The following IFI27L1 variants were observed in gnomAD, a reference collection of about 807,000 sequenced individuals.
The protein encoded by IFI27L1 is interferon alpha-inducible protein 27-like protein 1.
In IFI27L1, 3 loss-of-function variants were observed where a neutral mutation model predicts 9.2. That is an observed-to-expected ratio of 0.32 (90% CI 0.15 to 0.84). The LOEUF (loss-of-function observed/expected upper bound fraction) is 0.84. Among genes scored for constraint, IFI27L1 ranks in the 40% least tolerant of loss-of-function variants. IFI27L1 has a pLI of 0.56. For synonymous variants in IFI27L1, 53 were observed against 50.0 expected (o/e 1.06, Z -0.26); for missense variants, 133 against 134.2 (o/e 0.99, Z 0.05).
At chr14:94,098,656 G>C (rs551093239) in intron 2 of IFI27L1, among the ~76,000 whole-genome samples, 39 of 152,292 alleles carry the variant, frequency 2.6e-4, no homozygotes, top group African/African-American at 8.4e-4. Context: ...GGCCCGAGAG[G>C]GAGGGCTCTG....
intron 2 of IFI27L1, among the ~76,000 whole-genome samples, chr14:94,098,313 G>A (rs1311536321): frequency 6.6e-6 from 1 of 152,084 alleles, no homozygotes; most frequent in Non-Finnish European, 1.5e-5. Context: ...GTCAGTCTTC[G>A]ACGTCCTTGC....
At chr14:94,091,537 C>T (rs903015488) in intron 1 of IFI27L1, among the ~76,000 whole-genome samples, 1 of 152,006 alleles carries the variant, frequency 6.6e-6, no homozygotes, top group Non-Finnish European at 1.5e-5. Flanking sequence ...CTTGAGGAGA[C>T]CTAGTATCTA....
Position 94,102,030 on chromosome 14 carries a change from G to A in IFI27L1, c.223+55G>A. On this transcript the variant is annotated intron_variant, in intron 4 of 4. Transcript: ENST00000555523. ...CAGGAGATGATCCAGCCCCGAGGCT[G>A]AACCAGGGAGGCCTCTCCTCTCCCT... 1.9e-6 allele frequency: 3 copies of A among 1,590,850 alleles called. No individual in the cohort carries two copies. The South Asian group carries it at 3.3e-5, about 18-fold the overall frequency.
chr14:94,097,113 G>T, intron 2 of IFI27L1, 148 bp downstream of exon 2: 1 of 649,882 alleles, frequency 1.5e-6, no homozygotes, highest in South Asian at 2.6e-5. Context: ...AATGAATGAC[G>T]GGATTTTTAA....
chr14:94,093,487 TGAACTTCA>T (rs1276248195), intron 1 of IFI27L1, among the ~76,000 whole-genome samples: 1 of 152,206 alleles, frequency 6.6e-6, no homozygotes, highest in Non-Finnish European at 1.5e-5. Context: ...GCATTTCTTA[TGAACTTCA>T]TTTTGTATGG....
intron 2 of IFI27L1, chr14:94,097,686 A>C: frequency 1.4e-6 from 1 of 702,336 alleles, no homozygotes; most frequent in Non-Finnish European, 2.6e-6. Context: ...AAGGTGAATA[A>C]GCATTCACGG....
intron 1 of IFI27L1, among the ~76,000 whole-genome samples, chr14:94,084,197 C>G (rs1172923043): frequency 6.6e-6 from 1 of 152,134 alleles, no homozygotes; most frequent in Non-Finnish European, 1.5e-5. Context: ...GAGCTCAGAC[C>G]TGACTTGGAG....
Position 94,097,523 on chromosome 14 carries a change from G to T in IFI27L1, c.28+558G>T, listed in dbSNP as rs1268610518. ...GGCTTTTGGCCTGAGCTGCTGAGAG[G>T]ATGGATTCCGGGTTCAGCAGTGACT... On this transcript the variant is annotated intron_variant, in intron 2 of 4. Transcript: ENST00000555523. The T allele has an allele frequency of 3.2e-5, 21 of 661,100 alleles. No homozygotes were observed. In the East Asian group the frequency reaches 5.7e-4, roughly 18 times the overall value. The allele number at this position is 661,100 out of a possible 1,614,324, so 41.0% of individuals were successfully genotyped here. A position where few individuals can be genotyped will look rare whatever the true frequency, so the allele number is the denominator to read the frequency against.
At chr14:94,088,713 A>C (rs138004398) in intron 1 of IFI27L1, among the ~76,000 whole-genome samples, 138 of 152,264 alleles carry the variant, frequency 9.1e-4, no homozygotes, top group African/African-American at 3.1e-3. Flanking sequence ...CACACATACA[A>C]AATGTTACCT....
chr14:94,098,485 G>T (rs1375339857), intron 2 of IFI27L1, among the ~76,000 whole-genome samples: 1 of 152,154 alleles, frequency 6.6e-6, no homozygotes, highest in African/African-American at 2.4e-5. Context: ...CATTACATTT[G>T]CAAAAACCCT....
At chr14:94,102,242 G>A (rs959760273) in intron 4 of IFI27L1, among the ~76,000 whole-genome samples, 6 of 152,128 alleles carry the variant, frequency 3.9e-5, no homozygotes, top group African/African-American at 1.4e-4. Flanking sequence ...TTCTCAGAGG[G>A]TCTGCCCTGT....
intron 1 of IFI27L1, among the ~76,000 whole-genome samples, chr14:94,082,782 A>G (rs1236162198): frequency 6.6e-6 from 1 of 152,244 alleles, no homozygotes; most frequent in African/African-American, 2.4e-5. Context: ...GATTTCTCTC[A>G]AAGTATTATT....
chr14:94,084,733 G>A (rs1348620276), intron 1 of IFI27L1, among the ~76,000 whole-genome samples: 1 of 152,182 alleles, frequency 6.6e-6, no homozygotes, highest in Non-Finnish European at 1.5e-5. Context: ...CGACTTGAGA[G>A]TATCTGTCTA....
In IFI27L1 at chr14:94,096,565, G is replaced by A. The variant is rs374847592; in HGVS notation, c.-51-322G>A. 6.9e-4 allele frequency among the ~76,000 whole-genome samples: 105 copies of A among 152,068 alleles called. No individual in the cohort carries two copies. The South Asian group carries it at 0.013, about 18-fold the overall frequency. ...AAAAATTAGCCAGGTGTGGTCGCAC[G>A]CACCTGTAATCCCAGCTACTCAGGA... On this transcript the variant is annotated intron_variant, in intron 1 of 4. Transcript: ENST00000555523.
intron 1 of IFI27L1, among the ~76,000 whole-genome samples, chr14:94,096,680 C>T (rs575833659): frequency 8.9e-4 from 116 of 130,158 alleles, no homozygotes; most frequent in African/African-American, 3.3e-3. Flanking sequence ...GGTGACAGAG[C>T]GAGACTCTGT....
At chr14:94,089,626 C>T (rs903564854) in intron 1 of IFI27L1, among the ~76,000 whole-genome samples, 1 of 152,160 alleles carries the variant, frequency 6.6e-6, no homozygotes, top group Non-Finnish European at 1.5e-5. Context: ...CATCCTGTGA[C>T]TAAGAATGCG....
intron 2 of IFI27L1, among the ~76,000 whole-genome samples, chr14:94,099,257 G>C (rs1292377970): frequency 6.6e-6 from 1 of 152,222 alleles, no homozygotes; most frequent in African/African-American, 2.4e-5. Flanking sequence ...TCACAGAAGT[G>C]GGAGGGCAAG....
rs747578211 is a variant in IFI27L1, at chr14:94,101,957, G to T, written c.205G>T (p.Ala69Ser). Reference sequence around the variant, plus strand: ...CGGAGTTGCTGCTGGCAGTCTGGTGGCTATTCTGCAGTCAGTGGGTGAGTG... The same window carrying T: ...CGGAGTTGCTGCTGGCAGTCTGGTGTCTATTCTGCAGTCAGTGGGTGAGTG... ...GGGVAAGSLV[A>S]ILQSVGAAGL... Residue 69 changes from alanine (A) to serine (S), a missense_variant, in exon 4 of 5, where the codon GCT becomes TCT. Ala to Ser is a moderately conservative substitution (Grantham distance 99, BLOSUM62 1). Coordinates refer to ENST00000555523, the MANE Select transcript of IFI27L1 (RefSeq NM_206949.3). 4.3e-6 allele frequency: 7 copies of T among 1,614,222 alleles called. No homozygotes were observed. In the Admixed American group the frequency reaches 1.0e-4, roughly 23 times the overall value.
At chr14:94,098,839 C>A (rs1418312730) in intron 2 of IFI27L1, among the ~76,000 whole-genome samples, 2 of 152,168 alleles carry the variant, frequency 1.3e-5, no homozygotes, top group Admixed American at 1.3e-4. Context: ...GCATTAGACC[C>A]TCCCACTAAC....
Sources: allele counts gnomAD v4.1 joint callset (sites outside exome capture counted in the v4.1 genomes callset), GRCh38; gene constraint gnomAD v4.1.1; transcripts MANE v1.5; gene names NCBI Gene and HGNC (gene_info 2026-07-23, HGNC 2026-07-21).